Variants in BTNL8 observed in about 807,000 individuals in gnomAD.
BTNL8 encodes the protein butyrophilin like 8.
A neutral mutation model predicts 36.1 loss-of-function variants in BTNL8; 22 were observed. The observed-to-expected ratio is 0.61, with a 90% CI of 0.44 to 0.87. The LOEUF is 0.87. Ranked by LOEUF, BTNL8 falls within the 40% of genes least tolerant of loss-of-function variation. BTNL8 has a pLI of 0.00. For synonymous variants in BTNL8, 203 were observed against 235.6 expected, an observed-to-expected ratio of 0.86 and a Z score of 1.27; for missense variants, 526 against 616.9, an observed-to-expected ratio of 0.85 and a Z score of 1.56.
intron 3 of BTNL8, among the ~76,000 whole-genome samples, chr5:180,941,025 A>G (rs752048137): frequency 4.0e-5 from 6 of 150,480 alleles, no homozygotes; most frequent in Admixed American, 1.3e-4. Flanking sequence ...TGGGAGGCAG[A>G]GGCTGCAGTG....
intron 3 of BTNL8, among the ~76,000 whole-genome samples, chr5:180,921,963 A>G (rs1561936130): frequency 6.6e-6 from 1 of 152,078 alleles, no homozygotes; most frequent in Non-Finnish European, 1.5e-5. Flanking sequence ...TTTCTTCTAG[A>G]ATTTCTAGTT....
intron 3 of BTNL8, among the ~76,000 whole-genome samples, chr5:180,913,501 A>C (rs528163122): frequency 2.0e-5 from 3 of 152,248 alleles, no homozygotes; most frequent in Non-Finnish European, 4.4e-5. Flanking sequence ...TTTCTAATCT[A>C]TACAGACCAG....
intron 3 of BTNL8, among the ~76,000 whole-genome samples, chr5:180,914,120 G>A (rs1431340624): frequency 6.6e-6 from 1 of 152,190 alleles, no homozygotes; most frequent in Non-Finnish European, 1.5e-5. Context: ...ATGTTGAAAC[G>A]AAATCCCCAA....
At chr5:180,947,662 T>C (rs755757367) in intron 4 of BTNL8, 37 bp downstream of exon 4, 7 of 1,614,222 alleles carry the variant, frequency 4.3e-6, no homozygotes, top group Non-Finnish European at 5.9e-6. Context: ...GGTGCCTTAT[T>C]CATGGTTCCA....
intron 3 of BTNL8, among the ~76,000 whole-genome samples, chr5:180,944,942 G>T (rs937657415): frequency 6.6e-6 from 1 of 152,052 alleles, no homozygotes; most frequent in Admixed American, 6.6e-5. Flanking sequence ...AGATTCTAAC[G>T]TCACTTTTCA....
chr5:180,927,669 G>C (rs545561427), intron 3 of BTNL8, among the ~76,000 whole-genome samples: 10 of 152,198 alleles, frequency 6.6e-5, no homozygotes, highest in African/African-American at 2.4e-4. Flanking sequence ...CACAGCATGA[G>C]AACTTTGTGA....
intron 1 of BTNL8, among the ~76,000 whole-genome samples, chr5:180,906,134 C>G (rs1228763240): frequency 6.9e-6 from 1 of 143,978 alleles, no homozygotes; most frequent in Non-Finnish European, 1.5e-5. Context: ...TTAAAGTCTC[C>G]CATTATTAAT....
intron 3 of BTNL8, among the ~76,000 whole-genome samples, chr5:180,914,576 ATAAC>A (rs1757541113): frequency 6.6e-6 from 1 of 152,216 alleles, no homozygotes; most frequent in African/African-American, 2.4e-5. Flanking sequence ...TACTTCAAAA[ATAAC>A]TAAGTGGTCA....
intron 7 of BTNL8, chr5:180,949,641 T>C (rs1178878054): frequency 3.7e-6 from 2 of 546,678 alleles, no homozygotes; most frequent in Admixed American, 3.6e-5. Context: ...AATCAAATAG[T>C]TTTATGTATG....
intron 1 of BTNL8, among the ~76,000 whole-genome samples, chr5:180,905,269 C>T (rs1318991700): frequency 8.0e-5 from 12 of 150,806 alleles, no homozygotes; most frequent in African/African-American, 2.5e-4. Flanking sequence ...GTGTATGTGT[C>T]GAGGAATTTA....
chr5:180,907,924 C>G (rs1757173263), intron 1 of BTNL8, among the ~76,000 whole-genome samples: 1 of 151,996 alleles, frequency 6.6e-6, no homozygotes, highest in Non-Finnish European at 1.5e-5. Flanking sequence ...CTCTTCAAAG[C>G]TGTCAGACAG....
chr5:180,926,399 C>T (rs1582038307), intron 3 of BTNL8, among the ~76,000 whole-genome samples: 2 of 152,160 alleles, frequency 1.3e-5, no homozygotes, highest in East Asian at 1.9e-4. Context: ...ACTGGGTGGC[C>T]GTTTGGGCAG....
chr5:180,949,793 C>G, intron 7 of BTNL8, 111 bp from the exon 8 acceptor site: 2 of 1,313,306 alleles, frequency 1.5e-6, no homozygotes, highest in South Asian at 2.6e-5. Context: ...AGGTCCGGGG[C>G]CTCACCTATG....
intron 3 of BTNL8, among the ~76,000 whole-genome samples, chr5:180,917,789 G>A (rs1757702531): frequency 6.6e-6 from 1 of 152,054 alleles, no homozygotes; most frequent in Non-Finnish European, 1.5e-5. Context: ...AGCACTCTGG[G>A]AGGCCGAGGT....
At chr5:180,941,274 T>G (rs975701335) in intron 3 of BTNL8, among the ~76,000 whole-genome samples, 10 of 152,136 alleles carry the variant, frequency 6.6e-5, no homozygotes, top group African/African-American at 2.2e-4. Context: ...CTAATCAGAC[T>G]AATAATGAGT....
intron 3 of BTNL8, among the ~76,000 whole-genome samples, chr5:180,939,336 A>G (rs1329443426): frequency 6.6e-6 from 1 of 152,190 alleles, no homozygotes; most frequent in East Asian, 1.9e-4. Flanking sequence ...AAAGACACAC[A>G]AAGACTGAAA....
intron 1 of BTNL8, chr5:180,902,449 A>C: frequency 6.6e-7 from 1 of 1,520,010 alleles, no homozygotes. Flanking sequence ...GATTGTGATG[A>C]ATGTTTCCCC....
chr5:180,908,988 A>G lies in BTNL8; in HGVS notation c.397+55A>G. The G allele has an allele frequency of 3.3e-6, 5 of 1,515,502 alleles. No individual in the cohort carries two copies. The South Asian group carries it at 6.5e-5, about 20-fold the overall frequency. The allele number at this position is 1,515,502 out of a possible 1,614,324, so 93.9% of individuals were successfully genotyped here. ...CCCAAAGAACCATCCTGGACTTTAT[A>G]AGTGTTTTTTTCAATAAGGAAATTT... On this transcript the variant is annotated intron_variant, in intron 2 of 7. Transcript: ENST00000340184.
At position 180,926,355 on chromosome 5, in the gene BTNL8, C is replaced by G. The variant is rs893345800; in HGVS notation, c.673+14741C>G. 3.9e-5 allele frequency among the ~76,000 whole-genome samples: 6 copies of G among 152,208 alleles called. No homozygotes were observed. In the East Asian group the frequency reaches 9.6e-4, roughly 24 times the overall value. On this transcript the variant is annotated intron_variant, in intron 3 of 7. Transcript: ENST00000340184. The stretch of plus-strand genomic sequence containing the variant: ...TAGACCAGAAGATTCCCTTGGGTGC[C>G]TACACCACCCGGGCCCTGGGTTTTA...
Sources: gnomAD v4.1 joint callset for allele counts (sites outside exome capture counted in the v4.1 genomes callset) on GRCh38, gnomAD v4.1.1 for gene constraint, MANE v1.5 for transcripts, NCBI Gene and HGNC (gene_info 2026-07-23, HGNC 2026-07-21) for gene names.